SCUBE1: variants seen among roughly 807,000 people sequenced by gnomAD.
SCUBE1 encodes the protein signal peptide, CUB and EGF-like domain-containing protein 1.
A neutral mutation model predicts 124.4 loss-of-function variants in SCUBE1; 59 were observed. That is an observed-to-expected ratio of 0.47 (90% confidence interval 0.38 to 0.59). The LOEUF (loss-of-function observed/expected upper bound fraction) is 0.59, where lower values mean the gene tolerates loss of function less well. SCUBE1 is among the 20% of genes least tolerant of loss of function. The pLI is 0.00. For missense variants in SCUBE1, 1,150 were observed against 1,371.2 expected (o/e 0.84, Z 2.55); for synonymous variants, 545 against 550.9 (o/e 0.99, Z 0.15).
intron 3 of SCUBE1, among the ~76,000 whole-genome samples, chr22:43,297,178 C>T (rs1201769119): frequency 1.3e-5 from 2 of 152,250 alleles, no homozygotes; most frequent in African/African-American, 2.4e-5. Context: ...TTTTTCCACG[C>T]CACCTTGCCC....
chr22:43,251,338 C>T (rs1923438971), intron 6 of SCUBE1, among the ~76,000 whole-genome samples: 1 of 152,188 alleles, frequency 6.6e-6, no homozygotes, highest in Non-Finnish European at 1.5e-5. Flanking sequence ...ACGGAGGGTT[C>T]CTTCAGCCCA....
chr22:43,238,886 T>C lies in SCUBE1; in HGVS notation c.796A>G (p.Ser266Gly). ...TGCAGTGTGAATCCAACGGGGCAGC[T>C]GCATCGCACGCCAGTGGCTGTGTCC... is the stretch of plus-strand genomic sequence containing the variant. ...CKDTATGVRCSCPVGFTLQPD... is the reference protein window; with the variant it reads ...CKDTATGVRCGCPVGFTLQPD... Residue 266 changes from serine (S) to glycine (G), a missense_variant, in exon 7 of 22, where the codon AGC (serine) becomes GGC (glycine). Transcript: ENST00000360835. 6.2e-7 allele frequency: 1 copy of C among 1,613,202 alleles called. No homozygotes were observed. Among genetic ancestry groups the C allele is most frequent in the Non-Finnish European group, 8.5e-7 (1 of 1,180,028 alleles).
At chr22:43,312,898 C>T (rs12158852) in intron 3 of SCUBE1, among the ~76,000 whole-genome samples, 68,599 of 151,892 alleles carry the variant, frequency 0.45, 15,757 homozygotes, top group Non-Finnish European at 0.49. Flanking sequence ...TGGTGCAGTT[C>T]GGGCACTATG....
At chr22:43,340,404 G>C (rs553801581) in intron 1 of SCUBE1, among the ~76,000 whole-genome samples, 2 of 151,890 alleles carry the variant, frequency 1.3e-5, no homozygotes, top group African/African-American at 4.8e-5. Flanking sequence ...TGGAACAGCT[G>C]TTGGGGCAAA....
At chr22:43,293,565 G>A (rs998034708) in intron 3 of SCUBE1, among the ~76,000 whole-genome samples, 6 of 152,266 alleles carry the variant, frequency 3.9e-5, no homozygotes, top group Admixed American at 6.5e-5. Flanking sequence ...GCAGCTTGCC[G>A]TGAGGAGCAT....
intron 5 of SCUBE1, among the ~76,000 whole-genome samples, chr22:43,260,941 G>C (rs9623796): frequency 0.02 from 3,096 of 152,344 alleles, 106 homozygotes; most frequent in African/African-American, 0.071. Flanking sequence ...TGTGTCAGAT[G>C]TACTATGGGG....
intron 4 of SCUBE1, among the ~76,000 whole-genome samples, chr22:43,289,833 G>A (rs769460639): frequency 2.6e-5 from 4 of 152,194 alleles, no homozygotes; most frequent in Non-Finnish European, 4.4e-5. Context: ...CACAGGGTCC[G>A]GCTGGCCTGG....
rs547500753 is a variant in SCUBE1, at chr22:43,214,569, C to G, written c.1892-318G>C. 1.1e-3 allele frequency among the ~76,000 whole-genome samples: 160 copies of G among 152,374 alleles called. 3 individuals are homozygous for G. In the South Asian group the frequency reaches 0.032, roughly 31 times the overall value. The stretch of plus-strand genomic sequence containing the variant: ...GTCTGTCCTCTGTCTGCTCCACACC[C>G]TGCCCTCCAGCTTTAGCAAACTGCC... On this transcript the variant is annotated intron_variant, in intron 15 of 21. Coordinates refer to ENST00000360835, the MANE Select transcript of SCUBE1 (RefSeq NM_173050.5).
intron 9 of SCUBE1, 55 bp from the exon 10 acceptor site, chr22:43,227,551 A>AG (rs1922374672): frequency 2.5e-6 from 4 of 1,589,924 alleles, no homozygotes; most frequent in Non-Finnish European, 3.4e-6. Context: ...GGCGGCTGGC[A>AG]GGGGAAGGGA....
intron 4 of SCUBE1, among the ~76,000 whole-genome samples, chr22:43,263,294 C>G (rs898510525): frequency 3.9e-5 from 6 of 152,192 alleles, no homozygotes; most frequent in Non-Finnish European, 5.9e-5. Flanking sequence ...GCTCATACCC[C>G]CTTCCGTTGA....
At chr22:43,331,117 T>C (rs751791113) in intron 2 of SCUBE1, among the ~76,000 whole-genome samples, 95 of 152,384 alleles carry the variant, frequency 6.2e-4, no homozygotes, top group Middle Eastern at 3.4e-3. Context: ...GTTTTTCTGA[T>C]GTTAAACTAA....
chr22:43,300,170 C>T (rs1014310220), intron 3 of SCUBE1, among the ~76,000 whole-genome samples: 7 of 152,172 alleles, frequency 4.6e-5, no homozygotes, highest in African/African-American at 1.7e-4. Context: ...CATCTGGTAA[C>T]TCCATGTGTG....
Position 43,204,202 on chromosome 22 carries a change from G to A in SCUBE1, c.2815-53C>T, listed in dbSNP as rs564243390. 33 of 1,564,612 alleles carry A rather than the reference G, an allele frequency of 2.1e-5. No homozygotes were observed. In the Admixed American group the frequency reaches 3.6e-4, roughly 17 times the overall value. The stretch of plus-strand genomic sequence containing the variant: ...GGGAGGCTTGGGGCCTGTAGGGTCT[G>A]TGGGGTGTTGCCAGGCTGGGGGAGG... On this transcript the variant is annotated intron_variant, in intron 21 of 21. Transcript: ENST00000360835.
rs12484656 is a variant in SCUBE1, at chr22:43,202,375, G to C, written c.*1622C>G. 1 of 152,060 alleles carries C rather than the reference G, an allele frequency of 6.6e-6. No individual in the cohort carries two copies. Among genetic ancestry groups the C allele is most frequent in the Admixed American group, 6.6e-5 (1 of 15,256 alleles). 9.4% of individuals were successfully genotyped at this position (152,060 alleles called of 1,614,324 possible). A position where few individuals can be genotyped will look rare whatever the true frequency, so the allele number is the denominator to read the frequency against. ...AGAGGCAACTTCGAGCTGAAGACTG[G>C]AGTTCATTTTCAGATTCTCCCAGGT... On this transcript the variant is annotated 3_prime_UTR_variant, in exon 22 of 22. Coordinates refer to ENST00000360835, the MANE Select transcript of SCUBE1 (RefSeq NM_173050.5).
At chr22:43,212,395 G>A (rs1206694739) in intron 17 of SCUBE1, 30 bp downstream of exon 17, 5 of 1,546,370 alleles carry the variant, frequency 3.2e-6, no homozygotes, top group African/African-American at 1.4e-5. Flanking sequence ...CTCTCGGGGT[G>A]GGCGGGCGTG....
chr22:43,203,983 G>T lies in SCUBE1; in HGVS notation c.*14C>A. ...GCGGACCAGGCCACCCCCAGGCAGG[G>T]CCGCTCCCCCCGGTTATTTGTAGGG... On this transcript the variant is annotated 3_prime_UTR_variant, in exon 22 of 22. Coordinates refer to ENST00000360835, the MANE Select transcript of SCUBE1 (RefSeq NM_173050.5). 1 of 1,613,816 alleles carries T rather than the reference G, an allele frequency of 6.2e-7. No individual in the cohort carries two copies. The highest frequency in any genetic ancestry group is 8.5e-7 in the Non-Finnish European group (1 of 1,179,872).
chr22:43,275,794 G>T (rs1356177493), intron 4 of SCUBE1, among the ~76,000 whole-genome samples: 1 of 152,262 alleles, frequency 6.6e-6, no homozygotes, highest in East Asian at 1.9e-4. Flanking sequence ...CAGATGGGGA[G>T]GAACCAGGAG....
intron 21 of SCUBE1, among the ~76,000 whole-genome samples, chr22:43,206,636 G>A (rs916888322): frequency 1.7e-5 from 2 of 119,678 alleles, no homozygotes; most frequent in Non-Finnish European, 3.7e-5. Flanking sequence ...AAGGATGGGG[G>A]GAAAGAGGTG....
At position 43,212,941 on chromosome 22, in the gene SCUBE1, G is replaced by C. The variant is rs371335680; in HGVS notation, c.2054-349C>G. ...CACGTGTCTCAGAGGGGCTGTCCCC[G>C]GGGGGTAGGCTGCACCGGGGTCTCC... On this transcript the variant is annotated intron_variant, in intron 16 of 21. Coordinates refer to ENST00000360835, the MANE Select transcript of SCUBE1 (RefSeq NM_173050.5). Among the ~76,000 whole-genome samples, 233 of 152,228 alleles carry C rather than the reference G, an allele frequency of 1.5e-3. 1 individual carries two copies. Among genetic ancestry groups the C allele is most frequent in the African/African-American group, 5.3e-3 (221 of 41,534 alleles).
Sources: gnomAD v4.1 joint callset for allele counts (sites outside exome capture counted in the v4.1 genomes callset) on GRCh38, gnomAD v4.1.1 for gene constraint, MANE v1.5 for transcripts, NCBI Gene and HGNC (gene_info 2026-07-23, HGNC 2026-07-21) for gene names.